FCGR3B: variants seen among roughly 807,000 people sequenced by gnomAD.
FCGR3B encodes low affinity immunoglobulin gamma Fc region receptor III-B.
FCGR3B carries 20 observed loss-of-function variants against 26.7 expected under a neutral mutation model. The ratio of observed to expected loss-of-function variants is 0.75; its 90% CI spans 0.53 to 1.09. The LOEUF (loss-of-function observed/expected upper bound fraction) is 1.09, where lower values mean the gene tolerates loss of function less well. Among genes scored for constraint, FCGR3B ranks in the 50% least tolerant of loss-of-function variants. The pLI is 0.00. For synonymous variants in FCGR3B, 79 were observed against 107.0 expected (o/e 0.74, Z 1.62); for missense variants, 191 against 279.7 (o/e 0.68, Z 2.26).
chr1:161,631,800 C>T (rs1189085331), upstream of FCGR3B: 1 of 139,070 alleles, frequency 7.2e-6, no homozygotes, highest in Middle Eastern at 3.4e-3. Flanking sequence ...GAGAAATGGG[C>T]CCTGGAAGAA....
At position 161,624,515 on chromosome 1, in the gene FCGR3B, T is replaced by A; in HGVS notation, c.702A>T (p.Ter234CysextTer21). 1.2e-6 allele frequency: 2 copies of A among 1,607,136 alleles called. No homozygotes were observed. The highest frequency in any genetic ancestry group is 1.1e-5 in the South Asian group (1 of 90,370). Residue 234 changes from the stop codon to cysteine, a stop_lost, in exon 5 of 5, where the codon TGA becomes TGT. Transcript: ENST00000650385. ...GGTCCTTCCAGTCTCTTGTTGAGCT[T>A]CAAATGTTTGTCTTCACAGAGAAAT... ...GLYFSVKTNI[*>C]
chr1:161,631,748 T>G, upstream of FCGR3B: 1 of 145,364 alleles, frequency 6.9e-6, no homozygotes, highest in Non-Finnish European at 1.4e-5. Flanking sequence ...TAGTGTGATT[T>G]GATCATTAGA....
rs1486510694 is a variant in FCGR3B at position 161,626,429 on chromosome 1, C to T, written c.320-27G>A. ...TGAAAGACACAGAGACACCCCAGGC[C>T]CGGGAGGCCTCAGCTCTCAGTGCAG... On this transcript the variant is annotated intron_variant, in intron 3 of 4. Transcript: ENST00000650385. 20 of 1,606,700 alleles carry T rather than the reference C, an allele frequency of 1.2e-5. 1 individual carries two copies. Among genetic ancestry groups the T allele is most frequent in the Non-Finnish European group, 1.7e-5 (20 of 1,177,170 alleles).
chr1:161,630,474 C>T, intron 1 of FCGR3B, 86 bp from the exon 2 acceptor site: 3 of 1,169,030 alleles, frequency 2.6e-6, no homozygotes, highest in Admixed American at 2.1e-5. Flanking sequence ...AACTCCCCTG[C>T]CCTCCTCTGC....
intron 3 of FCGR3B, among the ~76,000 whole-genome samples, chr1:161,628,130 G>A (rs757287351): frequency 1.1e-4 from 17 of 149,774 alleles, no homozygotes; most frequent in Non-Finnish European, 1.5e-4. Context: ...AAAATTAGCC[G>A]GGCGTGGTGG....
chr1:161,631,345 C>G (rs555488959), upstream of FCGR3B: 3 of 764,624 alleles, frequency 3.9e-6, no homozygotes, highest in Middle Eastern at 2.6e-4. Flanking sequence ...CTTTACTCTC[C>G]CAAAGGTCTG....
chr1:161,626,072 C>T, intron 4 of FCGR3B, 73 bp downstream of exon 4: 4 of 1,547,088 alleles, frequency 2.6e-6, no homozygotes, highest in Non-Finnish European at 3.5e-6. Context: ...CTCCTCCCAA[C>T]TCAACTTCCC....
At position 161,624,167 on chromosome 1, in the gene FCGR3B, G is replaced by T. The variant is rs1570978878; in HGVS notation, c.*348C>A. 2 of 255,462 alleles carry T rather than the reference G, an allele frequency of 7.8e-6. No individual in the cohort carries two copies. The highest frequency in any genetic ancestry group is 1.4e-4 in the East Asian group (2 of 14,282). 15.8% of individuals were successfully genotyped at this position (255,462 alleles called of 1,614,324 possible). ...ATTACCATCCCTAGCCTGTATTGTT[G>T]CTTTGCTGTGAGGGAATGGTTGGGA... On this transcript the variant is annotated 3_prime_UTR_variant, in exon 5 of 5. Transcript: ENST00000650385.
chr1:161,631,603 A>C, upstream of FCGR3B: 1 of 332,806 alleles, frequency 3.0e-6, no homozygotes, highest in Non-Finnish European at 5.2e-6. Context: ...CTGCACACAG[A>C]AAGTTGTCCT....
intron 3 of FCGR3B, among the ~76,000 whole-genome samples, chr1:161,627,417 C>G (rs1679519839): frequency 6.7e-6 from 1 of 150,148 alleles, no homozygotes; most frequent in Non-Finnish European, 1.5e-5. Flanking sequence ...ACTAAATTTA[C>G]TGTAATTTTA....
upstream of FCGR3B, among the ~76,000 whole-genome samples, chr1:161,631,709 G>A (rs191359604): frequency 7.9e-6 from 1 of 126,326 alleles, no homozygotes; most frequent in African/African-American, 2.9e-5. Context: ...TATGCTCCTG[G>A]GATATGTAAT....
intron 2 of FCGR3B, 53 bp downstream of exon 2, chr1:161,630,314 AT>A (rs1679674257): frequency 6.7e-7 from 1 of 1,492,658 alleles, no homozygotes; most frequent in African/African-American, 1.5e-5. Context: ...TCTTATGGCC[AT>A]TGTCCCCATA....
intron 3 of FCGR3B, among the ~76,000 whole-genome samples, chr1:161,628,799 C>A (rs1263270979): frequency 3.4e-5 from 5 of 145,602 alleles, no homozygotes; most frequent in African/African-American, 1.3e-4. Flanking sequence ...CTGCAGGGAC[C>A]AGGCTATGTG....
chr1:161,631,442 G>A (rs1490097880), upstream of FCGR3B: 1 of 561,250 alleles, frequency 1.8e-6, no homozygotes, highest in East Asian at 2.9e-5. Flanking sequence ...CCTGGATTTA[G>A]ATCCACCCAG....
In FCGR3B at chr1:161,629,739, C is replaced by T. The variant is rs202089363; in HGVS notation, c.319+39G>A. The T allele has an allele frequency of 1.8e-3, 2,393 of 1,298,332 alleles. 457 individuals carry two copies. The East Asian group carries it at 0.045, about 24-fold the overall frequency. The allele number at this position is 1,298,332 out of a possible 1,614,324, so 80.4% of individuals were successfully genotyped here. On this transcript the variant is annotated intron_variant, in intron 3 of 4. Coordinates refer to ENST00000650385, the MANE Select transcript of FCGR3B (RefSeq NM_001244753.2). Reference sequence around the variant, plus strand: ...GTATTTCAGGACCCTTTGTTTCACCCTTTATTGGTGATTTTCCTCTTCCCC... The same window carrying T: ...GTATTTCAGGACCCTTTGTTTCACCTTTTATTGGTGATTTTCCTCTTCCCC...
At position 161,631,136 on chromosome 1, in the gene FCGR3B, G is replaced by T; in HGVS notation, c.-42C>A. The T allele has an allele frequency of 6.2e-7, 1 of 1,607,732 alleles. No individual in the cohort carries two copies. Among genetic ancestry groups the T allele is most frequent in the Non-Finnish European group, 8.5e-7 (1 of 1,177,334 alleles). On this transcript the variant is annotated 5_prime_UTR_variant, in exon 1 of 5. Coordinates refer to ENST00000650385, the MANE Select transcript of FCGR3B (RefSeq NM_001244753.2). Reference sequence around the variant, plus strand: ...GGACAAGTCACCAAAGATATCCGGAGCCCTAAAGGGACCAAGCCGACTAGA... The same window carrying T: ...GGACAAGTCACCAAAGATATCCGGATCCCTAAAGGGACCAAGCCGACTAGA...
intron 2 of FCGR3B, 49 bp downstream of exon 2, chr1:161,630,319 C>T (rs149686267): frequency 0.12 from 187,979 of 1,560,378 alleles, 12,708 homozygotes; most frequent in South Asian, 0.15. Flanking sequence ...TGGCCATTGT[C>T]CCCATATGTG....
upstream of FCGR3B, among the ~76,000 whole-genome samples, chr1:161,631,655 A>G (rs1679756780): frequency 1.5e-5 from 2 of 131,552 alleles, no homozygotes; most frequent in Admixed American, 1.6e-4. Flanking sequence ...CCTCAATATT[A>G]TCTCCACGCA....
chr1:161,630,628 C>T (rs1557884743), intron 1 of FCGR3B: 1 of 570,828 alleles, frequency 1.8e-6, no homozygotes. Flanking sequence ...CCCTTGCTCC[C>T]TGTGCAAACT....
Sources: allele counts gnomAD v4.1 joint callset (sites outside exome capture counted in the v4.1 genomes callset), GRCh38; gene constraint gnomAD v4.1.1; transcripts MANE v1.5; gene names NCBI Gene and HGNC (gene_info 2026-07-23, HGNC 2026-07-21).